GRIP1: variants seen among roughly 807,000 people sequenced by gnomAD.
The protein encoded by GRIP1 is glutamate receptor-interacting protein 1.
GRIP1 carries 45 observed loss-of-function variants against 129.9 expected under a neutral mutation model. The ratio of observed to expected loss-of-function variants is 0.35; its 90% confidence interval spans 0.27 to 0.44. The LOEUF is 0.44. GRIP1 is among the 20% of genes least tolerant of loss of function. GRIP1 has a pLI of 1.00. For synonymous variants in GRIP1, 530 were observed against 520.8 expected, an observed-to-expected ratio of 1.02 and a Z score of -0.24; for missense variants, 1,196 against 1,396.8, an observed-to-expected ratio of 0.86 and a Z score of 2.29.
intron 1 of GRIP1, among the ~76,000 whole-genome samples, chr12:66,855,796 G>A (rs11176451): frequency 0.28 from 42,000 of 151,724 alleles, 6,888 homozygotes; most frequent in East Asian, 0.41. Context: ...CTCCAAAGTG[G>A]GTTCTGGGGA....
At chr12:66,983,161 G>A (rs988370914) in intron 1 of GRIP1, among the ~76,000 whole-genome samples, 1 of 152,122 alleles carries the variant, frequency 6.6e-6, no homozygotes, top group Admixed American at 6.6e-5. Flanking sequence ...ACACTGGACT[G>A]CCTTTCTCTT....
Position 66,439,684 on chromosome 12 carries a change from C to T in GRIP1, c.1687+4900G>A, listed in dbSNP as rs189798659. Among the ~76,000 whole-genome samples the T allele has an allele frequency of 2.3e-3, 346 of 152,290 alleles. 2 individuals carry two copies. Among genetic ancestry groups the T allele is most frequent in the African/African-American group, 7.8e-3 (326 of 41,564 alleles). ...ATTAAACAATTTGATGCACACACCA[C>T]GTTTAGAAAGTGACAGGCCACAGAG... On this transcript the variant is annotated intron_variant, in intron 13 of 24. Coordinates refer to ENST00000359742, the MANE Select transcript of GRIP1 (RefSeq NM_001366722.1).
chr12:67,001,494 G>A (rs1225378760), intron 1 of GRIP1, among the ~76,000 whole-genome samples: 4 of 152,156 alleles, frequency 2.6e-5, no homozygotes, highest in South Asian at 2.1e-4. Context: ...TCCCAGACAT[G>A]CATTATTTGG....
intron 2 of GRIP1, among the ~76,000 whole-genome samples, chr12:66,544,300 A>C (rs1457803288): frequency 6.6e-6 from 1 of 152,194 alleles, no homozygotes; most frequent in Non-Finnish European, 1.5e-5. Flanking sequence ...TTGTGCATTC[A>C]TTGATTCAAG....
At chr12:66,361,668 G>A (rs781164213) in intron 23 of GRIP1, among the ~76,000 whole-genome samples, 4 of 151,900 alleles carry the variant, frequency 2.6e-5, no homozygotes, top group African/African-American at 4.8e-5. Context: ...TGGCTGTGGC[G>A]GAGTCCCTGT....
chr12:66,934,705 T>C (rs1170604461), intron 1 of GRIP1, among the ~76,000 whole-genome samples: 1 of 152,254 alleles, frequency 6.6e-6, no homozygotes, highest in African/African-American at 2.4e-5. Flanking sequence ...GTTTTTCTTC[T>C]TTTCCAACCA....
intron 1 of GRIP1, among the ~76,000 whole-genome samples, chr12:66,832,642 G>A (rs1020906020): frequency 1.9e-4 from 29 of 152,188 alleles, no homozygotes; most frequent in Admixed American, 1.9e-3. Flanking sequence ...TGGTTATAGT[G>A]AGGTGTTGAA....
intron 23 of GRIP1, among the ~76,000 whole-genome samples, chr12:66,361,170 G>T (rs948488135): frequency 6.6e-6 from 1 of 152,200 alleles, no homozygotes; most frequent in African/African-American, 2.4e-5. Context: ...TATACTACTA[G>T]AAACTCAGGG....
chr12:66,949,377 GAAC>G (rs1317809120), intron 1 of GRIP1, among the ~76,000 whole-genome samples: 1 of 152,130 alleles, frequency 6.6e-6, no homozygotes, highest in Admixed American at 6.5e-5. Context: ...GTTTTACTCT[GAAC>G]AACTAAGCTG....
intron 6 of GRIP1, among the ~76,000 whole-genome samples, chr12:66,516,491 C>A (rs1330731546): frequency 3.3e-5 from 5 of 152,048 alleles, no homozygotes. Flanking sequence ...ATAATAATGA[C>A]CTTTGAAATA....
chr12:66,897,675 A>C (rs2040773561), intron 1 of GRIP1, among the ~76,000 whole-genome samples: 1 of 152,216 alleles, frequency 6.6e-6, no homozygotes, highest in African/African-American at 2.4e-5. Flanking sequence ...CAGGTAACAG[A>C]TCCAATTATG....
chr12:66,380,255 T>C (rs1048740142), intron 19 of GRIP1, among the ~76,000 whole-genome samples: 14 of 152,136 alleles, frequency 9.2e-5, no homozygotes, highest in Admixed American at 2.6e-4. Context: ...TATAAACTCC[T>C]AGTTGCCAAT....
chr12:66,905,284 T>C (rs1875831), intron 1 of GRIP1, among the ~76,000 whole-genome samples: 4,391 of 152,278 alleles, frequency 0.029, 220 homozygotes, highest in African/African-American at 0.1. Context: ...AAAATGTTCA[T>C]TGTAGGAAAT....
At chr12:66,437,658 C>T (rs1275246029) in intron 13 of GRIP1, among the ~76,000 whole-genome samples, 1 of 152,120 alleles carries the variant, frequency 6.6e-6, no homozygotes, top group Non-Finnish European at 1.5e-5. Context: ...AAAATACACA[C>T]ATATATATTC....
chr12:66,965,871 A>G (rs2041991566), intron 1 of GRIP1, among the ~76,000 whole-genome samples: 1 of 152,160 alleles, frequency 6.6e-6, no homozygotes, highest in South Asian at 2.1e-4. Context: ...GGATGACACT[A>G]TTGCAAAATG....
At chr12:66,608,250 T>A (rs997698860) in intron 1 of GRIP1, among the ~76,000 whole-genome samples, 26 of 152,128 alleles carry the variant, frequency 1.7e-4, no homozygotes, top group Non-Finnish European at 2.6e-4. Flanking sequence ...TTCAAAGCTG[T>A]AGTTTGGATA....
intron 23 of GRIP1, among the ~76,000 whole-genome samples, chr12:66,371,299 C>T (rs986704785): frequency 6.6e-6 from 1 of 151,766 alleles, no homozygotes; most frequent in Non-Finnish European, 1.5e-5. Flanking sequence ...GCTGGGATTA[C>T]AGGTGTCTGC....
chr12:66,506,720 T>C, intron 7 of GRIP1, among the ~76,000 whole-genome samples: 1 of 152,316 alleles, frequency 6.6e-6, no homozygotes, highest in East Asian at 1.9e-4. Context: ...AATTTAGTAA[T>C]ATAAAAGTAA....
chr12:66,911,207 T>A (rs1016536952), intron 1 of GRIP1, among the ~76,000 whole-genome samples: 1 of 152,246 alleles, frequency 6.6e-6, no homozygotes, highest in Non-Finnish European at 1.5e-5. Flanking sequence ...GGTGCTTTAA[T>A]ATCTGGAAAT....
Sources: gnomAD v4.1 joint callset for allele counts (sites outside exome capture counted in the v4.1 genomes callset) on GRCh38, gnomAD v4.1.1 for gene constraint, MANE v1.5 for transcripts, NCBI Gene and HGNC (gene_info 2026-07-23, HGNC 2026-07-21) for gene names.